The following TTLL13 variants were observed in gnomAD, a reference collection of about 807,000 sequenced individuals.
TTLL13 encodes tubulin tyrosine ligase like 13, also known as tubulin polyglutamylase TTLL13.
the TTLL13 span, chr15:90,265,023 G>A: frequency 6.8e-7 from 1 of 1,477,006 alleles, no homozygotes; most frequent in Non-Finnish European, 9.0e-7. Flanking sequence ...TTTCCAAAGG[G>A]CATTAAATCT....
the TTLL13 span, chr15:90,258,073 A>G: frequency 3.7e-6 from 6 of 1,614,208 alleles, no homozygotes; most frequent in Non-Finnish European, 5.1e-6. Flanking sequence ...CTGCAAGAGC[A>G]CAGCTACAAC....
At chr15:90,256,570 TTTC>T in the TTLL13 span, among the ~76,000 whole-genome samples, 7 of 36,386 alleles carry the variant, frequency 1.9e-4, no homozygotes, top group African/African-American at 5.1e-4. Flanking sequence ...TCTTTCTTTC[TTTC>T]TTTCTTTCTT....
At chr15:90,263,050 A>C in the TTLL13 span, 6 of 1,536,128 alleles carry the variant, frequency 3.9e-6, no homozygotes, top group Non-Finnish European at 5.2e-6. Flanking sequence ...CCTGCTACAA[A>C]GGGAGACTCT....
the TTLL13 span, among the ~76,000 whole-genome samples, chr15:90,254,175 AGAGT>A: frequency 7.1e-6 from 1 of 141,138 alleles, no homozygotes; most frequent in Non-Finnish European, 1.5e-5. Context: ...CCTGTGTGAC[AGAGT>A]GAGACCCTGT....
chr15:90,264,696 G>A, the TTLL13 span: 3 of 1,533,948 alleles, frequency 2.0e-6, no homozygotes, highest in African/African-American at 4.1e-5. Flanking sequence ...TACCAACTCA[G>A]GGACATCCAT....
chr15:90,257,984 A>G, the TTLL13 span: 2 of 1,551,776 alleles, frequency 1.3e-6, no homozygotes, highest in Non-Finnish European at 1.8e-6. Context: ...TCCTGCCTAC[A>G]GCCTGGCCCA....
chr15:90,264,964 G>T, the TTLL13 span: 7 of 1,534,140 alleles, frequency 4.6e-6, no homozygotes, highest in Non-Finnish European at 5.2e-6. Flanking sequence ...ATCAGTTCAG[G>T]TAAAAGCAGG....
chr15:90,257,288 G>T, the TTLL13 span: 1 of 1,606,918 alleles, frequency 6.2e-7, no homozygotes, highest in Non-Finnish European at 8.5e-7. Flanking sequence ...CCTGGTAAGG[G>T]GACTGGGAAG....
chr15:90,253,314 T>G, the TTLL13 span: 2 of 1,613,750 alleles, frequency 1.2e-6, no homozygotes, highest in Non-Finnish European at 1.7e-6. Context: ...GACTCTGTAC[T>G]GGACAGACTG....
At chr15:90,255,809 C>G in the TTLL13 span, 43 of 1,614,046 alleles carry the variant, frequency 2.7e-5, no homozygotes, top group Non-Finnish European at 3.6e-5. Flanking sequence ...TCTGCTGGCT[C>G]GGAACCTCAA....
At chr15:90,258,560 C>T in the TTLL13 span, 1 of 625,758 alleles carries the variant, frequency 1.6e-6, no homozygotes, top group South Asian at 1.9e-5. Context: ...GATTTGCTCT[C>T]ACTGGTCTGT....
the TTLL13 span, among the ~76,000 whole-genome samples, chr15:90,261,083 CTTT>C: frequency 2.1e-5 from 3 of 140,916 alleles, no homozygotes; most frequent in Non-Finnish European, 3.1e-5. Context: ...TTCTTGTTTT[CTTT>C]TTTTTTTTTT....
At chr15:90,256,140 G>C in the TTLL13 span, 5 of 1,614,034 alleles carry the variant, frequency 3.1e-6, no homozygotes, top group Non-Finnish European at 1.7e-6. Context: ...TCTGCACATA[G>C]CTATGGGGAC....
chr15:90,255,690 G>T, the TTLL13 span: 1 of 1,609,182 alleles, frequency 6.2e-7, no homozygotes, highest in Admixed American at 1.7e-5. Flanking sequence ...ACTGCTTCCT[G>T]GGATGCCCAG....
the TTLL13 span, chr15:90,262,890 G>A: frequency 3.5e-6 from 5 of 1,433,452 alleles, no homozygotes; most frequent in African/African-American, 1.4e-5. Context: ...GTGGGCAGGA[G>A]GCCTGTAGCC....
chr15:90,252,704 A>G, the TTLL13 span, among the ~76,000 whole-genome samples: 2 of 152,196 alleles, frequency 1.3e-5, no homozygotes, highest in South Asian at 4.1e-4. Flanking sequence ...TGATTGAGAG[A>G]TAAGACTGAC....
the TTLL13 span, among the ~76,000 whole-genome samples, chr15:90,253,898 T>C: frequency 3.9e-5 from 6 of 152,072 alleles, no homozygotes; most frequent in Admixed American, 6.5e-5. Flanking sequence ...TTTAAAAGAG[T>C]CTGCAGGCTT....
chr15:90,252,257 G>A, the TTLL13 span, among the ~76,000 whole-genome samples: 1 of 152,076 alleles, frequency 6.6e-6, no homozygotes, highest in East Asian at 1.9e-4. Context: ...GGCTGGTCTT[G>A]AACTCCTGAC....
the TTLL13 span, chr15:90,250,972 C>G: frequency 1.3e-5 from 19 of 1,511,000 alleles, no homozygotes; most frequent in Middle Eastern, 2.4e-4. Flanking sequence ...GAGCTGGGAT[C>G]TCAGATCTTC....
Sources: allele counts gnomAD v4.1 joint callset (sites outside exome capture counted in the v4.1 genomes callset), GRCh38; gene constraint gnomAD v4.1.1; transcripts MANE v1.5; gene names NCBI Gene and HGNC (gene_info 2026-07-23, HGNC 2026-07-21).